PPT2: variants seen among roughly 807,000 people sequenced by gnomAD.
PPT2 encodes the protein palmitoyl-protein thioesterase 2.
Under a neutral mutation model 37.3 loss-of-function variants are expected in PPT2, and 20 were observed. The observed-to-expected ratio is 0.54, with a 90% CI of 0.38 to 0.78. PPT2 has a LOEUF of 0.78. PPT2 is among the 30% of genes least tolerant of loss of function. The pLI is 0.00. For missense variants in PPT2, 270 were observed against 389.8 expected (o/e 0.69, Z 2.59); for synonymous variants, 135 against 159.1 (o/e 0.85, Z 1.14).
rs1783732509 is a variant in PPT2 at position 32,155,616 on chromosome 6, GTGGT to G, written c.338-71_338-68del. ...TGTGTGTGTGTGTGTGTGTGTGTGT[GTGGT>G]GGGGGTGGGGGGTGCTGCTGGCTTT... On this transcript the variant is annotated intron_variant, in intron 3 of 8. Coordinates refer to ENST00000324816, the MANE Select transcript of PPT2 (RefSeq NM_005155.7). This position sits in a 1 kb window ranked among gnomAD's most constrained non-coding sequence, Gnocchi z 4.3. 4.1e-6 allele frequency: 4 copies of G among 973,196 alleles called. No individual in the cohort carries two copies. The highest frequency in any genetic ancestry group is 1.3e-5 in the South Asian group (1 of 77,276). The allele number at this position is 973,196 out of a possible 1,614,324, so 60.3% of individuals were successfully genotyped here. A position where few individuals can be genotyped will look rare whatever the true frequency, so the allele number is the denominator to read the frequency against.
Position 32,155,919 on chromosome 6 carries a change from T to A in PPT2, c.482T>A (p.Leu161His), listed in dbSNP as rs1783769342. The change falls in exon 5 of 9, where the codon CTC (leucine) becomes CAC (histidine). Residue 161 changes from leucine (L) to histidine (H), a missense_variant. Physicochemically the swap from Leu to His is moderately conservative, Grantham distance 99. Transcript: ENST00000324816. This position sits in a 1 kb window ranked among gnomAD's most constrained non-coding sequence, Gnocchi z 4.3. ...WLFPTSMRSN[L>H]YRICYSPWGQ... ...TTCCCCACCTCCATGCGGTCTAACC[T>A]CTATCGGATCTGCTATAGCCCCTGG... 1 of 1,613,934 alleles carries A rather than the reference T, an allele frequency of 6.2e-7. No homozygotes were observed. Among genetic ancestry groups the A allele is most frequent in the South Asian group, 1.1e-5 (1 of 91,086 alleles).
chr6:32,154,752 G>A lies in PPT2; in HGVS notation c.158G>A (p.Arg53His), dbSNP rs1027535206. Residue 53 changes from arginine (R) to histidine (H), a missense_variant, in exon 2 of 9, where the codon CGC becomes CAC. Coordinates refer to ENST00000324816, the MANE Select transcript of PPT2 (RefSeq NM_005155.7). The surrounding 1 kb of genome is among the most constrained non-coding windows in gnomAD (Gnocchi z 7.3). ...HGLFDSSYSFRHLLEYINETH... is the reference protein window; with the variant it reads ...HGLFDSSYSFHHLLEYINETH... ...CTCTTCGACAGCTCGTACAGCTTCC[G>A]CCACCTGCTGGAATACATCAATGAG... The A allele has an allele frequency of 1.2e-6, 2 of 1,612,736 alleles. No homozygotes were observed. The highest frequency in any genetic ancestry group is 1.7e-6 in the Non-Finnish European group (2 of 1,179,788).
In PPT2 at chr6:32,155,253, C is replaced by T; in HGVS notation, c.337+70C>T. 2 of 1,546,332 alleles carry T rather than the reference C, an allele frequency of 1.3e-6. No individual in the cohort carries two copies. The highest frequency in any genetic ancestry group is 4.6e-5 in the East Asian group (2 of 43,920). ...TTGATCCTTATCTGAGGGACACTTC[C>T]TAGCGTCCCTTTTTCTGAACCACAT... is the stretch of plus-strand genomic sequence containing the variant. On this transcript the variant is annotated intron_variant, in intron 3 of 8. Transcript: ENST00000324816. The surrounding 1 kb of genome is among the most constrained non-coding windows in gnomAD (Gnocchi z 4.3).
chr6:32,162,714 G>A lies in PPT2; in HGVS notation c.765+92G>A, dbSNP rs1784242786. 6.3e-7 allele frequency: 1 copy of A among 1,578,864 alleles called. No individual in the cohort carries two copies. Among genetic ancestry groups the A allele is most frequent in the Admixed American group, 1.7e-5 (1 of 59,804 alleles). On this transcript the variant is annotated intron_variant, in intron 8 of 8. Transcript: ENST00000324816. This position sits in a 1 kb window ranked among gnomAD's most constrained non-coding sequence, Gnocchi z 5.5. ...ACTCCTGAGCTGAAGGGTTCACCCT[G>A]TGGGGAGGAGGTCCAGGATCCCAGC...
intron 7 of PPT2, among the ~76,000 whole-genome samples, chr6:32,158,718 G>A (rs1267691995): frequency 2.6e-5 from 4 of 152,200 alleles, no homozygotes; most frequent in Non-Finnish European, 5.9e-5. Context: ...AGTGGCCGAA[G>A]AAGTCCTCCT....
chr6:32,157,966 C>T (rs965389658), intron 7 of PPT2, 42 bp downstream of exon 7: 1 of 1,514,378 alleles, frequency 6.6e-7, no homozygotes, highest in Non-Finnish European at 9.1e-7. Context: ...CTAAAGACAT[C>T]CCCCAACCCC....
In PPT2 at chr6:32,155,673, G is replaced by A. The variant is rs372350513; in HGVS notation, c.338-15G>A. The A allele has an allele frequency of 8.7e-6, 14 of 1,611,756 alleles. No individual in the cohort carries two copies. The highest frequency in any genetic ancestry group is 2.7e-5 in the African/African-American group (2 of 74,704). Reference sequence around the variant, plus strand: ...TGTCCTTAAGTGCCTGCCCAATGTGGTGTTCTGCTTACAGGGGGCCTTGTG... The same window carrying A: ...TGTCCTTAAGTGCCTGCCCAATGTGATGTTCTGCTTACAGGGGGCCTTGTG... On this transcript the variant is annotated splice_polypyrimidine_tract_variant and intron_variant, in intron 3 of 8. Transcript: ENST00000324816. This position sits in a 1 kb window ranked among gnomAD's most constrained non-coding sequence, Gnocchi z 4.3.
chr6:32,161,597 T>C (rs1352614866), intron 7 of PPT2, among the ~76,000 whole-genome samples: 1 of 133,782 alleles, frequency 7.5e-6, no homozygotes, highest in Non-Finnish European at 1.6e-5. Context: ...CCTCTTTTTT[T>C]TTTTTTTTTG....
rs1783586396 is a variant in PPT2, at chr6:32,154,422, G to A, written c.-9+18G>A. The A allele has an allele frequency of 6.8e-7, 1 of 1,461,392 alleles. No homozygotes were observed. The highest frequency in any genetic ancestry group is 9.0e-7 in the Non-Finnish European group (1 of 1,113,378). The allele number at this position is 1,461,392 out of a possible 1,614,324, so 90.5% of individuals were successfully genotyped here. On this transcript the variant is annotated intron_variant, in intron 1 of 8. Transcript: ENST00000324816. This position sits in a 1 kb window ranked among gnomAD's most constrained non-coding sequence, Gnocchi z 7.3. ...GCGCGTTGGTGCGTCAACGTGGTGG[G>A]GGGGTGTGTTTGTAGGGAGAGGGCT...
At chr6:32,154,040 T>G (rs1783543857), upstream of PPT2, 1 of 1,147,652 alleles carries the variant, frequency 8.7e-7, no homozygotes, top group Admixed American at 4.4e-5. This position sits in a 1 kb window ranked among gnomAD's most constrained non-coding sequence, Gnocchi z 7.3. Context: ...CCTCCTGTCC[T>G]GGGTCTGTGT....
Position 32,156,025 on chromosome 6 carries a change from C to T in PPT2, c.541+47C>T. ...GGGCTTCCATGGATCAGGTCAGTTG[C>T]TTCCACCTCTGCTACAACCAATAGC... On this transcript the variant is annotated intron_variant, in intron 5 of 8. Transcript: ENST00000324816. This position sits in a 1 kb window ranked among gnomAD's most constrained non-coding sequence, Gnocchi z 4.9. 3 of 1,386,548 alleles carry T rather than the reference C, an allele frequency of 2.2e-6. No individual in the cohort carries two copies. The highest frequency in any genetic ancestry group is 1.4e-5 in the African/African-American group (1 of 70,376). The allele number at this position is 1,386,548 out of a possible 1,614,324, so 85.9% of individuals were successfully genotyped here. A position where few individuals can be genotyped will look rare whatever the true frequency, so the allele number is the denominator to read the frequency against.
Position 32,155,428 on chromosome 6 carries a change from T to A in PPT2, c.337+245T>A, listed in dbSNP as rs575143395. 6.6e-6 allele frequency among the ~76,000 whole-genome samples: 1 copy of A among 152,302 alleles called. No homozygotes were observed. Among genetic ancestry groups the A allele is most frequent in the East Asian group, 1.9e-4 (1 of 5,176 alleles). ...CATGGTTCTTGGACATAAGGGCTAA[T>A]GGGGCAGGTAAAAACATCCTAGAAC... On this transcript the variant is annotated intron_variant, in intron 3 of 8. Transcript: ENST00000324816. The surrounding 1 kb of genome is among the most constrained non-coding windows in gnomAD (Gnocchi z 4.3).
At position 32,163,070 on chromosome 6, in the gene PPT2, T is replaced by TTTTTAGTAGAGACGGGG; in HGVS notation, c.*134_*150dup. 1 of 1,215,062 alleles carries TTTTTAGTAGAGACGGGG rather than the reference T, an allele frequency of 8.2e-7. No homozygotes were observed. The highest frequency in any genetic ancestry group is 2.4e-5 in the East Asian group (1 of 42,334). The allele number at this position is 1,215,062 out of a possible 1,614,324, so 75.3% of individuals were successfully genotyped here. A position where few individuals can be genotyped will look rare whatever the true frequency, so the allele number is the denominator to read the frequency against. On this transcript the variant is annotated 3_prime_UTR_variant, in exon 9 of 9. Coordinates refer to ENST00000324816, the MANE Select transcript of PPT2 (RefSeq NM_005155.7). Reference sequence around the variant, plus strand: ...CTCATTGCTCCCATATTATCCCCCATTTTTAGTAGAGACGGGGTTTTAGTA... The same window carrying TTTTTAGTAGAGACGGGG: ...CTCATTGCTCCCATATTATCCCCCATTTTTAGTAGAGACGGGGTTTTAGTAGAGACGGGGTTTTAGTA...
chr6:32,158,797 C>A (rs1349205783), intron 7 of PPT2, among the ~76,000 whole-genome samples: 1 of 151,882 alleles, frequency 6.6e-6, no homozygotes, highest in East Asian at 1.9e-4. Flanking sequence ...GTGGAAGAAC[C>A]CCCCAGGGAG....
chr6:32,163,054 C>T lies in PPT2; in HGVS notation c.*104C>T, dbSNP rs779031913. ...GTGTGCCTGTGACCACCTCATTGCT[C>T]CCATATTATCCCCCATTTTTAGTAG... On this transcript the variant is annotated 3_prime_UTR_variant, in exon 9 of 9. Coordinates refer to ENST00000324816, the MANE Select transcript of PPT2 (RefSeq NM_005155.7). The T allele has an allele frequency of 6.2e-6, 8 of 1,294,198 alleles. No individual in the cohort carries two copies. Among genetic ancestry groups the T allele is most frequent in the Non-Finnish European group, 8.6e-6 (8 of 934,526 alleles). 80.2% of individuals were successfully genotyped at this position (1,294,198 alleles called of 1,614,324 possible). A position where few individuals can be genotyped will look rare whatever the true frequency, so the allele number is the denominator to read the frequency against.
chr6:32,158,769 G>A (rs957458873), intron 7 of PPT2, among the ~76,000 whole-genome samples: 9 of 152,138 alleles, frequency 5.9e-5, no homozygotes, highest in Admixed American at 3.9e-4. Flanking sequence ...GGAAGTGAAG[G>A]AGGGAGTTGT....
intron 7 of PPT2, among the ~76,000 whole-genome samples, chr6:32,159,472 A>ATATATATATATATATATATC (rs1465188963): frequency 3.8e-4 from 48 of 127,478 alleles, no homozygotes; most frequent in East Asian, 6.4e-4. Flanking sequence ...ATATATATAT[A>ATATATATATATATATATATC]TCCTCATCCC....
intron 7 of PPT2, among the ~76,000 whole-genome samples, chr6:32,160,522 T>C (rs1561821996): frequency 6.6e-6 from 1 of 151,326 alleles, no homozygotes; most frequent in Non-Finnish European, 1.5e-5. Context: ...ATACAAAAAT[T>C]AGTGGGCCTG....
Position 32,157,357 on chromosome 6 carries a change from C to A in PPT2, c.542-280C>A, listed in dbSNP as rs1783864962. Reference sequence around the variant, plus strand: ...CGCCCCGAGTAACTGGGATTACAGGCATGCACCACCACGCCTGGCTAACTT... The same window carrying A: ...CGCCCCGAGTAACTGGGATTACAGGAATGCACCACCACGCCTGGCTAACTT... On this transcript the variant is annotated intron_variant, in intron 5 of 8. Transcript: ENST00000324816. The A allele has an allele frequency of 6.0e-6, 3 of 497,168 alleles. 1 individual carries two copies. The highest frequency in any genetic ancestry group is 1.1e-5 in the Non-Finnish European group (3 of 273,326). The allele number at this position is 497,168 out of a possible 1,614,324, so 30.8% of individuals were successfully genotyped here. A position where few individuals can be genotyped will look rare whatever the true frequency, so the allele number is the denominator to read the frequency against.
Sources: allele counts gnomAD v4.1 joint callset (sites outside exome capture counted in the v4.1 genomes callset), GRCh38; gene constraint gnomAD v4.1.1; non-coding constraint Gnocchi (gnomAD v3.1); transcripts MANE v1.5; gene names NCBI Gene and HGNC (gene_info 2026-07-23, HGNC 2026-07-21).